Variants in TRIM33 observed in about 807,000 individuals in gnomAD.
TRIM33 encodes E3 ubiquitin-protein ligase TRIM33.
TRIM33 carries 20 observed loss-of-function variants against 125.4 expected under a neutral mutation model. That is an observed-to-expected ratio of 0.16 (90% CI 0.11 to 0.23). The LOEUF is 0.23. Among genes scored for constraint, TRIM33 ranks in the 10% least tolerant of loss-of-function variants. The pLI, the probability that TRIM33 is intolerant of heterozygous loss-of-function variation, is 1.00. For synonymous variants in TRIM33, 564 were observed against 513.9 expected (o/e 1.10, Z -1.32); for missense variants, 920 against 1,411.4 (o/e 0.65, Z 5.58).
chr1:114,466,223 A>G (rs537396084), intron 1 of TRIM33, among the ~76,000 whole-genome samples: 20 of 152,270 alleles, frequency 1.3e-4, no homozygotes, highest in African/African-American at 3.4e-4. Flanking sequence ...TACAAAGAAG[A>G]TAAGTATAAG....
intron 1 of TRIM33, among the ~76,000 whole-genome samples, chr1:114,481,867 C>T (rs1651381343): frequency 6.6e-6 from 1 of 151,950 alleles, no homozygotes; most frequent in Non-Finnish European, 1.5e-5. Context: ...TCAAGTGATT[C>T]TCCTGCCTCA....
intron 1 of TRIM33, among the ~76,000 whole-genome samples, chr1:114,475,047 A>T (rs184959716): frequency 6.6e-6 from 1 of 152,312 alleles, no homozygotes; most frequent in East Asian, 1.9e-4. Flanking sequence ...TGTACATAAC[A>T]AGACAGCTTC....
chr1:114,406,811 G>A (rs1032281419), intron 14 of TRIM33, 130 bp downstream of exon 14: 1 of 854,126 alleles, frequency 1.2e-6, no homozygotes. Flanking sequence ...GAGATATCTG[G>A]CTTGTGCCAG....
intron 1 of TRIM33, among the ~76,000 whole-genome samples, chr1:114,488,544 G>A (rs910631535): frequency 2.0e-5 from 3 of 152,048 alleles, no homozygotes; most frequent in Non-Finnish European, 4.4e-5. Context: ...CGGGAGGACC[G>A]CTTCAGCCCA....
At chr1:114,489,383 G>A (rs1297091761) in intron 1 of TRIM33, among the ~76,000 whole-genome samples, 2 of 152,114 alleles carry the variant, frequency 1.3e-5, no homozygotes, top group Admixed American at 6.6e-5. Context: ...CTTGGATTAC[G>A]AAATGATTTT....
intron 4 of TRIM33, among the ~76,000 whole-genome samples, chr1:114,455,674 T>C (rs1041584056): frequency 2.0e-5 from 3 of 152,086 alleles, no homozygotes; most frequent in Non-Finnish European, 4.4e-5. Context: ...GAAACAAAGG[T>C]CTTAATGCAG....
rs1651585242 is a variant in TRIM33, at chr1:114,397,260, A to G, written c.*388T>C. The G allele has an allele frequency of 3.7e-6, 1 of 272,346 alleles. No individual in the cohort carries two copies. The allele number at this position is 272,346 out of a possible 1,614,324, so 16.9% of individuals were successfully genotyped here. ...TTTTAATAACTGTGCGACCTAGTCC[A>G]AAAAGAAAATTTATCAAGTGACACG... On this transcript the variant is annotated 3_prime_UTR_variant, in exon 20 of 20. Coordinates refer to ENST00000358465, the MANE Select transcript of TRIM33 (RefSeq NM_015906.4).
chr1:114,408,419 T>A (rs1045887834), intron 13 of TRIM33, among the ~76,000 whole-genome samples: 1 of 152,132 alleles, frequency 6.6e-6, no homozygotes, highest in East Asian at 1.9e-4. Context: ...GTTCTGTGGT[T>A]ATAAATTTTT....
At chr1:114,489,000 T>C (rs1651887998) in intron 1 of TRIM33, among the ~76,000 whole-genome samples, 1 of 152,198 alleles carries the variant, frequency 6.6e-6, no homozygotes, top group Admixed American at 6.5e-5. Context: ...CAGTAAGCCC[T>C]GAGTGCACCA....
intron 1 of TRIM33, among the ~76,000 whole-genome samples, chr1:114,489,714 C>A (rs1651930626): frequency 6.6e-6 from 1 of 152,086 alleles, no homozygotes; most frequent in Admixed American, 6.6e-5. Flanking sequence ...CACTGCACTC[C>A]AGCCTGGGGA....
chr1:114,468,464 G>A, intron 1 of TRIM33: 1 of 354,972 alleles, frequency 2.8e-6, no homozygotes, highest in Non-Finnish European at 5.5e-6. Flanking sequence ...AGCCAACTGG[G>A]GACAAAGAAT....
At chr1:114,494,142 T>C (rs1336856537) in intron 1 of TRIM33, among the ~76,000 whole-genome samples, 2 of 151,592 alleles carry the variant, frequency 1.3e-5, no homozygotes. Context: ...TTTAATTTTA[T>C]TTAGAGACAG....
intron 11 of TRIM33, among the ~76,000 whole-genome samples, chr1:114,410,929 C>G (rs1387649150): frequency 6.6e-6 from 1 of 152,090 alleles, no homozygotes; most frequent in Admixed American, 6.5e-5. Context: ...ACCTATATTG[C>G]AGAACTCCGA....
At chr1:114,400,669 C>T (rs969844407) in intron 17 of TRIM33, among the ~76,000 whole-genome samples, 5 of 152,220 alleles carry the variant, frequency 3.3e-5, no homozygotes, top group African/African-American at 1.2e-4. Context: ...ATTCATTTCT[C>T]AGGCTACCCA....
chr1:114,503,709 T>C (rs930959738), intron 1 of TRIM33, among the ~76,000 whole-genome samples: 3 of 152,210 alleles, frequency 2.0e-5, no homozygotes, highest in African/African-American at 7.2e-5. Flanking sequence ...AATACCAATT[T>C]TCCAAAATTC....
chr1:114,443,908 T>C (rs1308070243), intron 4 of TRIM33, among the ~76,000 whole-genome samples: 2 of 150,396 alleles, frequency 1.3e-5, no homozygotes, highest in African/African-American at 4.9e-5. Context: ...GGAACAAAGG[T>C]GACTTTCACT....
At chr1:114,431,329 G>C (rs1647937348) in intron 5 of TRIM33, among the ~76,000 whole-genome samples, 1 of 152,206 alleles carries the variant, frequency 6.6e-6, no homozygotes, top group South Asian at 2.1e-4. Flanking sequence ...AAGGATAATA[G>C]TTAAACATAG....
intron 16 of TRIM33, 71 bp from the exon 17 acceptor site, chr1:114,401,534 C>T (rs1007007944): frequency 3.0e-5 from 39 of 1,299,886 alleles, no homozygotes; most frequent in Non-Finnish European, 5.5e-6. Context: ...AGAATGAGAA[C>T]TATATCACAA....
Position 114,453,498 on chromosome 1 carries a change from G to A in TRIM33, c.923+9606C>T, listed in dbSNP as rs139990388. ...GAGGGTTCTTGCTACTAAAGTGTAAGTGGAAGATAAGAGATTGTTTAGTAA... is the reference window on the plus strand; with the variant it reads ...GAGGGTTCTTGCTACTAAAGTGTAAATGGAAGATAAGAGATTGTTTAGTAA... On this transcript the variant is annotated intron_variant, in intron 4 of 19. Transcript: ENST00000358465. Among the ~76,000 whole-genome samples, 5 of 152,328 alleles carry A rather than the reference G, an allele frequency of 3.3e-5. No homozygotes were observed. In the East Asian group the frequency reaches 9.6e-4, roughly 29 times the overall value.
Sources: allele counts gnomAD v4.1 joint callset (sites outside exome capture counted in the v4.1 genomes callset), GRCh38; gene constraint gnomAD v4.1.1; transcripts MANE v1.5; gene names NCBI Gene and HGNC (gene_info 2026-07-23, HGNC 2026-07-21).